Variants in HDAC4 observed in about 807,000 individuals in gnomAD.
HDAC4 encodes histone deacetylase 4.
Under a neutral mutation model 135.1 loss-of-function variants are expected in HDAC4, and 16 were observed. The ratio of observed to expected loss-of-function variants is 0.12; its 90% CI spans 0.08 to 0.18. HDAC4 has a LOEUF of 0.18. Among genes scored for constraint, HDAC4 ranks in the 10% least tolerant of loss-of-function variants. HDAC4 has a pLI of 1.00. For missense variants in HDAC4, 1,143 were observed against 1,511.8 expected (o/e 0.76, Z 4.05); for synonymous variants, 685 against 653.4 (o/e 1.05, Z -0.74).
intron 7 of HDAC4, among the ~76,000 whole-genome samples, chr2:239,152,018 T>C (rs2042148153): frequency 1.3e-5 from 2 of 152,196 alleles, no homozygotes; most frequent in East Asian, 3.8e-4. Flanking sequence ...TCCTTTCATC[T>C]ATCAGCAGTC....
intron 18 of HDAC4, among the ~76,000 whole-genome samples, chr2:239,087,869 T>C (rs1002012976): frequency 0.013 from 6 of 452 alleles, no homozygotes; most frequent in African/African-American, 0.041. Context: ...GGATAACAGG[T>C]GGGTGCCTGC....
intron 2 of HDAC4, among the ~76,000 whole-genome samples, chr2:239,322,437 G>A (rs11675637): frequency 0.17 from 26,437 of 152,224 alleles, 2,570 homozygotes; most frequent in East Asian, 0.32. Flanking sequence ...GGACCCATCC[G>A]TAGGCTGTTG....
chr2:239,080,651 G>A (rs2035224685), intron 22 of HDAC4, among the ~76,000 whole-genome samples: 1 of 152,208 alleles, frequency 6.6e-6, no homozygotes, highest in Non-Finnish European at 1.5e-5. Flanking sequence ...ATGGGAGGGA[G>A]GGCGACAACT....
intron 7 of HDAC4, among the ~76,000 whole-genome samples, chr2:239,148,886 T>C (rs978100779): frequency 2.6e-5 from 4 of 152,212 alleles, no homozygotes; most frequent in African/African-American, 7.2e-5. Flanking sequence ...GGGCCTGAAT[T>C]GATAGCAGGC....
intron 7 of HDAC4, among the ~76,000 whole-genome samples, chr2:239,154,090 T>G (rs1378235965): frequency 6.6e-6 from 1 of 152,158 alleles, no homozygotes; most frequent in Non-Finnish European, 1.5e-5. Flanking sequence ...GCTGTTCTGT[T>G]GCGAGTTGGG....
At chr2:239,382,176 A>G (rs528255660) in intron 1 of HDAC4, among the ~76,000 whole-genome samples, 3 of 152,380 alleles carry the variant, frequency 2.0e-5, no homozygotes, top group Non-Finnish European at 4.4e-5. Flanking sequence ...CACGTAACAG[A>G]TTAAAATTAG....
intron 8 of HDAC4, among the ~76,000 whole-genome samples, chr2:239,140,456 G>A (rs3791477): frequency 1.3e-5 from 2 of 152,324 alleles, no homozygotes; most frequent in East Asian, 3.9e-4. Context: ...CACCTCTGAA[G>A]GGGTCTGCTG....
chr2:239,175,888 T>C (rs1162131991), intron 5 of HDAC4, among the ~76,000 whole-genome samples: 1 of 152,236 alleles, frequency 6.6e-6, no homozygotes, highest in African/African-American at 2.4e-5. Flanking sequence ...GATGTTAATA[T>C]TGAATCCTGC....
At chr2:239,364,803 G>A (rs1265096487) in intron 1 of HDAC4, among the ~76,000 whole-genome samples, 2 of 152,224 alleles carry the variant, frequency 1.3e-5, no homozygotes, top group African/African-American at 4.8e-5. Context: ...AGACAGTGAG[G>A]AAGTATTTTA....
intron 20 of HDAC4, 110 bp downstream of exon 20, chr2:239,084,045 C>T (rs1371682223): frequency 1.5e-5 from 12 of 781,794 alleles, no homozygotes; most frequent in Non-Finnish European, 2.2e-5. Context: ...TTTCCAGAAA[C>T]CTAAGCTTCC....
intron 7 of HDAC4, among the ~76,000 whole-genome samples, chr2:239,149,397 T>A (rs3791493): frequency 0.25 from 38,100 of 150,570 alleles, 4,883 homozygotes; most frequent in East Asian, 0.31. Flanking sequence ...AATAAATAAA[T>A]AAAAAGATAA....
At chr2:239,379,753 G>A (rs542713341) in intron 1 of HDAC4, among the ~76,000 whole-genome samples, 1 of 152,306 alleles carries the variant, frequency 6.6e-6, no homozygotes, top group East Asian at 1.9e-4. Context: ...CGGCTGCCGG[G>A]GCCCCTTGCT....
At chr2:239,148,069 A>T (rs1437945590) in intron 7 of HDAC4, among the ~76,000 whole-genome samples, 1 of 152,190 alleles carries the variant, frequency 6.6e-6, no homozygotes, top group Non-Finnish European at 1.5e-5. Flanking sequence ...TGCAATGTCC[A>T]GCGGCCAGCG....
intron 22 of HDAC4, among the ~76,000 whole-genome samples, chr2:239,069,376 C>A (rs1210057622): frequency 9.5e-6 from 1 of 105,700 alleles, no homozygotes; most frequent in Non-Finnish European, 2.0e-5. Flanking sequence ...TGCAAGCCAG[C>A]AAGCCCCACG....
intron 1 of HDAC4, among the ~76,000 whole-genome samples, chr2:239,360,906 C>T (rs2125962906): frequency 6.6e-6 from 1 of 152,320 alleles, no homozygotes; most frequent in Non-Finnish European, 1.5e-5. Context: ...GGGGCCAACG[C>T]TGTCTGGGAA....
intron 1 of HDAC4, among the ~76,000 whole-genome samples, chr2:239,371,980 CAGCTGCACCCGCAG>C (rs977964779): frequency 6.6e-6 from 1 of 152,234 alleles, no homozygotes; most frequent in Non-Finnish European, 1.5e-5. Flanking sequence ...CGGACGGGAG[CAGCTGCACCCGCAG>C]AGCTGCAAAG....
At chr2:239,374,386 C>CTTTTTTTTTTTTTT (rs755538495) in intron 1 of HDAC4, among the ~76,000 whole-genome samples, 2 of 56,666 alleles carry the variant, frequency 3.5e-5, no homozygotes, top group Non-Finnish European at 6.0e-5. Context: ...GAAAACAAGG[C>CTTTTTTTTTTTTTT]TTTTTTTTTT....
chr2:239,392,581 G>A (rs773067041), intron 1 of HDAC4, among the ~76,000 whole-genome samples: 9 of 152,274 alleles, frequency 5.9e-5, no homozygotes, highest in Middle Eastern at 3.4e-3. Context: ...GATACACCCC[G>A]CTTGTGTGGA....
chr2:239,120,058 C>G (rs2039502785), intron 12 of HDAC4, among the ~76,000 whole-genome samples: 1 of 151,958 alleles, frequency 6.6e-6, no homozygotes, highest in African/African-American at 2.4e-5. Flanking sequence ...AGAGAAGGGC[C>G]ACCACAGAGG....
Sources: allele counts gnomAD v4.1 joint callset (sites outside exome capture counted in the v4.1 genomes callset), GRCh38; gene constraint gnomAD v4.1.1; transcripts MANE v1.5; gene names NCBI Gene and HGNC (gene_info 2026-07-23, HGNC 2026-07-21).